PDP1: variants seen among roughly 807,000 people sequenced by gnomAD.
The protein encoded by PDP1 is pyruvate dehydrogenase phosphatase catalytic subunit 1.
PDP1 carries 14 observed loss-of-function variants against 37.1 expected under a neutral mutation model. That is an observed-to-expected ratio of 0.38 (90% confidence interval 0.25 to 0.59). The LOEUF (loss-of-function observed/expected upper bound fraction) is 0.59, where lower values mean the gene tolerates loss of function less well. Ranked by LOEUF, PDP1 falls within the 20% of genes least tolerant of loss-of-function variation. The pLI is 0.67. For synonymous variants in PDP1, 251 were observed against 243.3 expected, an observed-to-expected ratio of 1.03 and a Z score of -0.29; for missense variants, 544 against 655.3, an observed-to-expected ratio of 0.83 and a Z score of 1.85.
rs1242611946 is a variant in PDP1, at chr8:93,922,118, T to C, written c.59T>C (p.Ile20Thr). 1.2e-6 allele frequency: 2 copies of C among 1,613,830 alleles called. No homozygotes were observed. The highest frequency in any genetic ancestry group is 1.7e-6 in the Non-Finnish European group (2 of 1,179,826). The change falls in exon 2 of 2, where the codon ATC (isoleucine) becomes ACC (threonine). Residue 20 changes from isoleucine to threonine, a missense_variant. Ile to Thr is a moderately conservative substitution (Grantham distance 89). This residue lies in a region of PDP1 where 342 missense variants were observed against 414.0 expected (regional missense o/e 0.83). Transcript: ENST00000297598. The surrounding 1 kb of genome is among the most constrained non-coding windows in gnomAD (Gnocchi z 4.0). Reference sequence around the variant, plus strand: ...ATCCGTAACTGTGAACTGAGCAGGATCTATGGCACTGCATGTTACTGCCAC... The same window carrying C: ...ATCCGTAACTGTGAACTGAGCAGGACCTATGGCACTGCATGTTACTGCCAC... ...PLIRNCELSR[I>T]YGTACYCHHK...
intron 1 of PDP1, chr8:93,917,322 G>T (rs1168523915): frequency 6.6e-6 from 1 of 152,146 alleles, no homozygotes; most frequent in African/African-American, 2.4e-5. Flanking sequence ...AGCGTCTTCC[G>T]GCCCCTGCGC....
chr8:93,923,456 G>T lies in PDP1; in HGVS notation c.1397G>T (p.Arg466Ile). Residue 466 changes from arginine (R) to isoleucine (I), a missense_variant, in exon 2 of 2, where the codon AGA becomes ATA. This residue lies in a region of PDP1 where 159 missense variants were observed against 165.5 expected (regional missense o/e 0.96). Coordinates refer to ENST00000297598, the MANE Select transcript of PDP1 (RefSeq NM_018444.4). The surrounding 1 kb of genome is among the most constrained non-coding windows in gnomAD (Gnocchi z 4.3). Reference sequence around the variant, plus strand: ...ATGCATGGCCTTTTAACAGAAAGGAGAACCAAAATGTCCTCGGTATTTGAG... The same window carrying T: ...ATGCATGGCCTTTTAACAGAAAGGATAACCAAAATGTCCTCGGTATTTGAG... ...GQMHGLLTER[R>I]TKMSSVFEDQ... The T allele has an allele frequency of 6.3e-7, 1 of 1,596,994 alleles. No homozygotes were observed. The highest frequency in any genetic ancestry group is 1.1e-5 in the South Asian group (1 of 89,278).
In PDP1 at chr8:93,922,697, G is replaced by A; in HGVS notation, c.638G>A (p.Arg213Lys). The change falls in exon 2 of 2, where the codon AGG becomes AAG. Residue 213 changes from arginine to lysine, a missense_variant. By Grantham distance (26) the Arg-to-Lys change is conservative. Around this residue, in one of 5 missense-constraint regions of PDP1, gnomAD observed 342 missense variants for 414.0 expected, o/e 0.83. Coordinates refer to ENST00000297598, the MANE Select transcript of PDP1 (RefSeq NM_018444.4). The surrounding 1 kb of genome is among the most constrained non-coding windows in gnomAD (Gnocchi z 4.0). ...EASKLYFNSLRTYWQELIDLN... is the reference protein window; with the variant it reads ...EASKLYFNSLKTYWQELIDLN... ...TCCAAATTGTACTTTAACAGCTTGAGGACTTACTGGCAAGAGCTTATAGAC... is the reference window on the plus strand; with the variant it reads ...TCCAAATTGTACTTTAACAGCTTGAAGACTTACTGGCAAGAGCTTATAGAC... 1 of 1,614,148 alleles carries A rather than the reference G, an allele frequency of 6.2e-7. No individual in the cohort carries two copies. Among genetic ancestry groups the A allele is most frequent in the Non-Finnish European group, 8.5e-7 (1 of 1,180,012 alleles).
intron 1 of PDP1, chr8:93,919,051 G>A (rs1000433468): frequency 3.2e-5 from 14 of 436,582 alleles, no homozygotes; most frequent in African/African-American, 3.0e-4. Flanking sequence ...CTGAAAGATA[G>A]AGTCAATAAA....
At chr8:93,917,650 T>C in intron 1 of PDP1, 1 of 655,566 alleles carries the variant, frequency 1.5e-6, no homozygotes, top group Non-Finnish European at 2.5e-6. Context: ...GGGCTGTGGC[T>C]TTGCCTCCCC....
Position 93,923,569 on chromosome 8 carries a change from C to T in PDP1, c.1510C>T (p.Leu504Phe), listed in dbSNP as rs1810353960. Residue 504 changes from leucine to phenylalanine, a missense_variant, in exon 2 of 2, where the codon CTT (leucine) becomes TTT (phenylalanine). This residue lies in a region of PDP1 where 159 missense variants were observed against 165.5 expected (regional missense o/e 0.96). Transcript: ENST00000297598. The surrounding 1 kb of genome is among the most constrained non-coding windows in gnomAD (Gnocchi z 4.3). ...TVDHERLSKM[L>F]SLPEELARMY... ...TGATCATGAGCGCCTCTCTAAAATG[C>T]TTAGTCTTCCTGAAGAGCTTGCTCG... 6.2e-7 allele frequency: 1 copy of T among 1,613,664 alleles called. No individual in the cohort carries two copies. Among genetic ancestry groups the T allele is most frequent in the Non-Finnish European group, 8.5e-7 (1 of 1,179,560 alleles).
Position 93,922,998 on chromosome 8 carries a change from C to T in PDP1, c.939C>T (p.Asp313=). 1 of 1,614,100 alleles carries T rather than the reference C, an allele frequency of 6.2e-7. No individual in the cohort carries two copies. The highest frequency in any genetic ancestry group is 1.1e-5 in the South Asian group (1 of 91,070). The change falls in exon 2 of 2, where the codon GAC becomes GAT. Residue 313 remains aspartate, a synonymous_variant. Transcript: ENST00000297598. The surrounding 1 kb of genome is among the most constrained non-coding windows in gnomAD (Gnocchi z 4.0). The part of the protein sequence containing the change: ...GSWSAVTLSN[D]HNAQNERELE... ...GGTCAGCAGTCACGCTGTCTAATGA[C>T]CACAATGCTCAAAATGAAAGAGAAC...
Position 93,923,885 on chromosome 8 carries a change from T to A in PDP1, c.*212T>A, listed in dbSNP as rs886696693. 59 of 545,030 alleles carry A rather than the reference T, an allele frequency of 1.1e-4. No homozygotes were observed. The African/African-American group carries it at 1.1e-3, about 10-fold the overall frequency. 33.8% of individuals were successfully genotyped at this position (545,030 alleles called of 1,614,324 possible). On this transcript the variant is annotated 3_prime_UTR_variant, in exon 2 of 2. Transcript: ENST00000297598. This position sits in a 1 kb window ranked among gnomAD's most constrained non-coding sequence, Gnocchi z 4.3. ...TGCCTAGCTCAGATTTCATGGCACC[T>A]GCACTTGAAGCAAGTCACTTCTTTA...
intron 1 of PDP1, chr8:93,921,425 A>G (rs1260092327): frequency 1.7e-6 from 1 of 577,608 alleles, no homozygotes; most frequent in Non-Finnish European, 2.2e-6. Flanking sequence ...TTTTCTATAT[A>G]TGTTACAATG....
At chr8:93,917,796 C>T (rs773983573) in intron 1 of PDP1, 1 of 1,582,958 alleles carries the variant, frequency 6.3e-7, no homozygotes, top group Non-Finnish European at 8.6e-7. Flanking sequence ...CCCGCCTCCC[C>T]GCCGCCGCCT....
At chr8:93,918,414 G>A (rs895349678) in intron 1 of PDP1, among the ~76,000 whole-genome samples, 10 of 152,186 alleles carry the variant, frequency 6.6e-5, no homozygotes, top group African/African-American at 2.4e-4. Flanking sequence ...AATTAATTTG[G>A]TCCGTGGGTC....
intron 1 of PDP1, chr8:93,917,743 G>T: frequency 7.2e-7 from 1 of 1,389,990 alleles, no homozygotes. Context: ...CCACCTCCCA[G>T]CCCATTCACC....
In PDP1 at chr8:93,924,065, C is replaced by T; in HGVS notation, c.*392C>T. The T allele has an allele frequency of 4.1e-6, 1 of 244,582 alleles. No individual in the cohort carries two copies. Among genetic ancestry groups the T allele is most frequent in the East Asian group, 1.0e-4 (1 of 9,822 alleles). The allele number at this position is 244,582 out of a possible 1,614,324, so 15.2% of individuals were successfully genotyped here. On this transcript the variant is annotated 3_prime_UTR_variant, in exon 2 of 2. Transcript: ENST00000297598. ...ACAGTACTGTTCACACCTTTCTTCACTGAGATTCCAGTGTACATGAGAACA... is the reference window on the plus strand; with the variant it reads ...ACAGTACTGTTCACACCTTTCTTCATTGAGATTCCAGTGTACATGAGAACA...
At chr8:93,920,666 C>A in intron 1 of PDP1, 1 of 929,714 alleles carries the variant, frequency 1.1e-6, no homozygotes, top group Non-Finnish European at 1.3e-6. Context: ...TGTACCTTTT[C>A]AATCCAAACC....
intron 1 of PDP1, chr8:93,917,917 G>C (rs1408061261): frequency 6.2e-7 from 1 of 1,613,522 alleles, no homozygotes; most frequent in Non-Finnish European, 8.5e-7. Flanking sequence ...ACAGGAGAAT[G>C]TGTGTGTGTC....
Position 93,922,396 on chromosome 8 carries a change from G to C in PDP1, c.337G>C (p.Asp113His). 6.2e-7 allele frequency: 1 copy of C among 1,614,144 alleles called. No individual in the cohort carries two copies. Among genetic ancestry groups the C allele is most frequent in the Non-Finnish European group, 8.5e-7 (1 of 1,180,004 alleles). Residue 113 changes from aspartate (D) to histidine (H), a missense_variant, in exon 2 of 2, where the codon GAC becomes CAC. Physicochemically the swap from Asp to His is moderately conservative, Grantham distance 81. Coordinates refer to ENST00000297598, the MANE Select transcript of PDP1 (RefSeq NM_018444.4). The surrounding 1 kb of genome is among the most constrained non-coding windows in gnomAD (Gnocchi z 4.0). ...GKNVSSILGF[D>H]SNQLPANAPI... ...AAATGTCAGTTCTATCCTTGGATTT[G>C]ACAGCAATCAGCTGCCTGCAAATGC...
rs1188207228 is a variant in PDP1, at chr8:93,924,750, T to C, written c.*1077T>C. On this transcript the variant is annotated 3_prime_UTR_variant, in exon 2 of 2. Coordinates refer to ENST00000297598, the MANE Select transcript of PDP1 (RefSeq NM_018444.4). ...TCAATTAAAATATTTGGGTTTAAAA[T>C]GACTAAATGCTTTAAACATATTGTA... is the stretch of plus-strand genomic sequence containing the variant. 1 of 167,140 alleles carries C rather than the reference T, an allele frequency of 6.0e-6. No homozygotes were observed. The highest frequency in any genetic ancestry group is 1.5e-5 in the Non-Finnish European group (1 of 68,138). The allele number at this position is 167,140 out of a possible 1,614,324, so 10.4% of individuals were successfully genotyped here.
chr8:93,917,743 G>GC (rs1388936304), intron 1 of PDP1: 1 of 1,389,746 alleles, frequency 7.2e-7, no homozygotes. Context: ...CCACCTCCCA[G>GC]CCCATTCACC....
chr8:93,921,977 C>A, intron 1 of PDP1, 39 bp from the exon 2 acceptor site: 1 of 1,374,402 alleles, frequency 7.3e-7, no homozygotes, highest in Non-Finnish European at 1.0e-6. Context: ...TGAAATGTAA[C>A]TCTTTCCTTT....
Sources: gnomAD v4.1 joint callset for allele counts (sites outside exome capture counted in the v4.1 genomes callset) on GRCh38, gnomAD v4.1.1 for gene constraint, gnomAD v4.1.1 regional missense constraint, Gnocchi (gnomAD v3.1) non-coding constraint, MANE v1.5 for transcripts, NCBI Gene and HGNC (gene_info 2026-07-23, HGNC 2026-07-21) for gene names.